ACVRL1: variants seen among roughly 807,000 people sequenced by gnomAD.
ACVRL1 encodes activin receptor type-1-like.
A neutral mutation model predicts 51.9 loss-of-function variants in ACVRL1; 20 were observed. The ratio of observed to expected loss-of-function variants is 0.39; its 90% CI spans 0.27 to 0.56. The LOEUF is 0.56. Among genes scored for constraint, ACVRL1 ranks in the 20% least tolerant of loss-of-function variants. The pLI is 0.67. For synonymous variants in ACVRL1, 288 were observed against 280.9 expected (o/e 1.03, Z -0.25); for missense variants, 451 against 670.3 (o/e 0.67, Z 3.61).
At position 51,921,443 on chromosome 12, in the gene ACVRL1, TCAA is replaced by T; in HGVS notation, c.*554_*556del. On this transcript the variant is annotated 3_prime_UTR_variant, in exon 10 of 10. Coordinates refer to ENST00000388922, the MANE Select transcript of ACVRL1 (RefSeq NM_000020.3). Reference sequence around the variant, plus strand: ...ATGATGCCTTGGGCTTTCTGTCTCCTCAACAAGAGTGCAGCTTGCTGAATGTCA... The same window carrying T: ...ATGATGCCTTGGGCTTTCTGTCTCCTCAAGAGTGCAGCTTGCTGAATGTCA... The T allele has an allele frequency of 5.3e-6, 1 of 187,434 alleles. No homozygotes were observed. The highest frequency in any genetic ancestry group is 1.3e-4 in the East Asian group (1 of 7,830). The allele number at this position is 187,434 out of a possible 1,614,324, so 11.6% of individuals were successfully genotyped here.
chr12:51,913,455 G>A, intron 3 of ACVRL1, 104 bp from the exon 4 acceptor site: 2 of 1,468,570 alleles, frequency 1.4e-6, no homozygotes, highest in Middle Eastern at 2.2e-4. Flanking sequence ...GGGGGCGGGG[G>A]AGCGGGTGGG....
chr12:51,920,726 T>C, intron 9 of ACVRL1, 33 bp from the exon 10 acceptor site: 2 of 1,611,696 alleles, frequency 1.2e-6, no homozygotes, highest in Non-Finnish European at 1.7e-6. Context: ...TCTCTCTGCC[T>C]CCTCTCCTCT....
At chr12:51,908,449 C>A (rs1940635678) in intron 1 of ACVRL1, among the ~76,000 whole-genome samples, 1 of 152,204 alleles carries the variant, frequency 6.6e-6, no homozygotes. Context: ...ACCTGTCCCC[C>A]CATTTCATTG....
chr12:51,908,563 G>A (rs1940637652), intron 1 of ACVRL1, among the ~76,000 whole-genome samples: 1 of 152,238 alleles, frequency 6.6e-6, no homozygotes, highest in East Asian at 1.9e-4. Flanking sequence ...TGGAAGAGGG[G>A]TTACTATCCC....
At chr12:51,919,260 T>C in intron 9 of ACVRL1, 145 bp downstream of exon 9, 1 of 1,290,902 alleles carries the variant, frequency 7.7e-7, no homozygotes, top group Non-Finnish European at 1.1e-6. Flanking sequence ...GTACTCCCTC[T>C]TTCAACCCTG....
chr12:51,920,931 T>TGGGGGGTGGGGGGGGGGGGGGGGG lies in ACVRL1; in HGVS notation c.*44_*45insTGGGGGGGGGGGGGGGGGGGGGGG. 7 of 203,014 alleles carry TGGGGGGTGGGGGGGGGGGGGGGGG rather than the reference T, an allele frequency of 3.4e-5. No individual in the cohort carries two copies. The highest frequency in any genetic ancestry group is 1.4e-4 in the East Asian group (1 of 7,390). The allele number at this position is 203,014 out of a possible 1,614,324, so 12.6% of individuals were successfully genotyped here. On this transcript the variant is annotated 3_prime_UTR_variant, in exon 10 of 10. Transcript: ENST00000388922. ...TGATTCCTTTCTGCCTGCAGGGGGC[T>TGGGGGGTGGGGGGGGGGGGGGGGG]GGGGGGGTGGGGGGCAGTGGATGGT...
chr12:51,913,737 G>C lies in ACVRL1; in HGVS notation c.492G>C (p.Leu164=). The C allele has an allele frequency of 6.2e-7, 1 of 1,612,162 alleles. No homozygotes were observed. Among genetic ancestry groups the C allele is most frequent in the South Asian group, 1.1e-5 (1 of 91,084 alleles). ...HSELGESSLI[L]KASEQGDSML... ...AGCTGGGAGAGTCCAGTCTCATCCT[G>C]AAAGCATCTGAGCAGGGCGACAGCA... The change falls in exon 4 of 10, where the codon CTG becomes CTC. Residue 164 remains leucine (L), a synonymous_variant. Transcript: ENST00000388922.
intron 9 of ACVRL1, 67 bp downstream of exon 9, chr12:51,919,182 G>A: frequency 6.2e-7 from 1 of 1,609,894 alleles, no homozygotes; most frequent in East Asian, 2.2e-5. Flanking sequence ...CTGGGCCCAG[G>A]AACTTGTGTC....
intron 8 of ACVRL1, among the ~76,000 whole-genome samples, chr12:51,918,372 C>T (rs1178063252): frequency 1.3e-5 from 2 of 152,244 alleles, no homozygotes; most frequent in Non-Finnish European, 2.9e-5. Context: ...GTTTCTTAAA[C>T]TCTCTGGCCT....
intron 7 of ACVRL1, 114 bp downstream of exon 7, chr12:51,915,614 A>T: frequency 7.2e-7 from 1 of 1,384,638 alleles, no homozygotes; most frequent in East Asian, 2.5e-5. Context: ...TTAGAGGTGC[A>T]TGTTGTTTCA....
Position 51,915,212 on chromosome 12 carries a change from T to C in ACVRL1, c.773-13T>C. On this transcript the variant is annotated splice_polypyrimidine_tract_variant and intron_variant, in intron 6 of 9. Transcript: ENST00000388922. Reference sequence around the variant, plus strand: ...AGCCCCTTGGCTGAGTCACCCAACCTTTCTGCACACAGGCTTCATCGCCTC... The same window carrying C: ...AGCCCCTTGGCTGAGTCACCCAACCCTTCTGCACACAGGCTTCATCGCCTC... 6.3e-7 allele frequency: 1 copy of C among 1,591,048 alleles called. No individual in the cohort carries two copies. Among genetic ancestry groups the C allele is most frequent in the South Asian group, 1.1e-5 (1 of 90,824 alleles).
At chr12:51,912,066 CA>C (rs1341338622) in intron 1 of ACVRL1, among the ~76,000 whole-genome samples, 1 of 152,052 alleles carries the variant, frequency 6.6e-6, no homozygotes, top group East Asian at 1.9e-4. Context: ...AAAGGGTAGG[CA>C]GGGGTGGAAG....
chr12:51,913,491 A>T (rs2139066479), intron 3 of ACVRL1, 68 bp from the exon 4 acceptor site: 13 of 1,542,212 alleles, frequency 8.4e-6, no homozygotes, highest in Non-Finnish European at 1.1e-5. Flanking sequence ...TAACTGGCAG[A>T]GTGGTCTGGC....
intron 9 of ACVRL1, 131 bp downstream of exon 9, chr12:51,919,246 C>T (rs757976759): frequency 3.6e-6 from 5 of 1,379,626 alleles, no homozygotes; most frequent in African/African-American, 2.9e-5. Flanking sequence ...GGGCACCTCT[C>T]TAGGTACTCC....
rs1262785833 is a variant in ACVRL1, at chr12:51,920,860, C to G, written c.1479C>G (p.Ser493Arg). Residue 493 changes from serine to arginine, a missense_variant, in exon 10 of 10, where the codon AGC becomes AGG. Coordinates refer to ENST00000388922, the MANE Select transcript of ACVRL1 (RefSeq NM_000020.3). ...TCAAGAAGACACTACAAAAAATTAG[C>G]AACAGTCCAGAGAAGCCTAAAGTGA... is the stretch of plus-strand genomic sequence containing the variant. Reference protein sequence around the residue: ...LRIKKTLQKISNSPEKPKVIQ With the variant: ...LRIKKTLQKIRNSPEKPKVIQ The G allele has an allele frequency of 2.5e-6, 4 of 1,580,260 alleles. No individual in the cohort carries two copies. In the Admixed American group the frequency reaches 6.8e-5, roughly 27 times the overall value.
In ACVRL1 at chr12:51,916,151, C is replaced by A. The variant is rs767449724; in HGVS notation, c.1164C>A (p.Asp388Glu). The A allele has an allele frequency of 6.2e-7, 1 of 1,614,238 alleles. No individual in the cohort carries two copies. Among genetic ancestry groups the A allele is most frequent in the South Asian group, 1.1e-5 (1 of 91,082 alleles). The change falls in exon 8 of 10, where the codon GAC becomes GAA. Residue 388 changes from aspartate to glutamate, a missense_variant. Around this residue, in one of 2 missense-constraint regions of ACVRL1, gnomAD observed 259 missense variants for 453.4 expected, o/e 0.57. Transcript: ENST00000388922. ...PEVLDEQIRTDCFESYKWTDI... is the reference protein window; with the variant it reads ...PEVLDEQIRTECFESYKWTDI... ...TGCTGGACGAGCAGATCCGCACGGA[C>A]TGCTTTGAGTCCTACAAGTGGACTG... is the stretch of plus-strand genomic sequence containing the variant.
intron 1 of ACVRL1, among the ~76,000 whole-genome samples, chr12:51,911,508 CAG>C (rs978239722): frequency 1.5e-4 from 23 of 152,194 alleles, no homozygotes; most frequent in African/African-American, 5.3e-4. Flanking sequence ...GGTGAGCTTG[CAG>C]AGAGGTTTCT....
chr12:51,909,719 A>G (rs979207183), intron 1 of ACVRL1, among the ~76,000 whole-genome samples: 1 of 152,150 alleles, frequency 6.6e-6, no homozygotes, highest in Non-Finnish European at 1.5e-5. Context: ...CTCAGTGACT[A>G]TGGACAAGAA....
intron 1 of ACVRL1, among the ~76,000 whole-genome samples, chr12:51,910,528 G>C (rs1940668583): frequency 6.6e-6 from 1 of 152,220 alleles, no homozygotes; most frequent in African/African-American, 2.4e-5. Flanking sequence ...GAAGGAGGGT[G>C]GACTGGGGCA....
Sources: allele counts gnomAD v4.1 joint callset (sites outside exome capture counted in the v4.1 genomes callset), GRCh38; gene constraint gnomAD v4.1.1; regional missense constraint gnomAD v4.1.1; transcripts MANE v1.5; gene names NCBI Gene and HGNC (gene_info 2026-07-23, HGNC 2026-07-21).